CSMD3: variants seen among roughly 807,000 people sequenced by gnomAD.
CSMD3 encodes CUB and sushi domain-containing protein 3.
Under a neutral mutation model 435.2 loss-of-function variants are expected in CSMD3, and 177 were observed. The ratio of observed to expected loss-of-function variants is 0.41; its 90% confidence interval spans 0.36 to 0.46. The LOEUF (loss-of-function observed/expected upper bound fraction) is 0.46. Ranked by LOEUF, CSMD3 falls within the 20% of genes least tolerant of loss-of-function variation. CSMD3 has a pLI of 0.34. For missense variants in CSMD3, 4,265 were observed against 4,504.6 expected (o/e 0.95, Z 1.52); for synonymous variants, 1,656 against 1,520.5 (o/e 1.09, Z -2.07).
intron 32 of CSMD3, among the ~76,000 whole-genome samples, chr8:112,461,991 G>A (rs1337132498): frequency 6.6e-6 from 1 of 152,052 alleles, no homozygotes; most frequent in East Asian, 1.9e-4. Context: ...AAGTCCCTTG[G>A]GGACAAAAGT....
At chr8:112,658,932 G>A (rs1412130255) in intron 17 of CSMD3, among the ~76,000 whole-genome samples, 1 of 152,080 alleles carries the variant, frequency 6.6e-6, no homozygotes, top group Admixed American at 6.6e-5. Context: ...TCCAGCCTGG[G>A]TGACAGAGTG....
At position 112,480,568 on chromosome 8, in the gene CSMD3, T is replaced by C. The variant is rs1379615051; in HGVS notation, c.5279-7861A>G. ...CCTCATGAATGGCTTGGTGCTATCC[T>C]TGCGATAGTGAGTGAGTTCTCCCAA... On this transcript the variant is annotated intron_variant, in intron 31 of 70. Transcript: ENST00000297405. Among the ~76,000 whole-genome samples the C allele has an allele frequency of 2.0e-5, 3 of 152,122 alleles. No homozygotes were observed. In the East Asian group the frequency reaches 5.8e-4, roughly 29 times the overall value.
intron 31 of CSMD3, among the ~76,000 whole-genome samples, chr8:112,477,343 T>C (rs1819156038): frequency 1.3e-5 from 2 of 152,214 alleles, no homozygotes; most frequent in Admixed American, 6.5e-5. Context: ...GACTGCTATA[T>C]GGATTCTGGG....
chr8:113,060,083 G>A (rs1256419428), intron 5 of CSMD3, among the ~76,000 whole-genome samples: 2 of 140,772 alleles, frequency 1.4e-5, no homozygotes, highest in Admixed American at 1.5e-4. Context: ...ATGCTGGTGC[G>A]CTGCACCCAC....
rs752212214 is a variant in CSMD3, at chr8:112,690,035, C to T, written c.1988G>A (p.Ser663Asn). 2 of 1,613,116 alleles carry T rather than the reference C, an allele frequency of 1.2e-6. No homozygotes were observed. Among genetic ancestry groups the T allele is most frequent in the Non-Finnish European group, 1.7e-6 (2 of 1,179,304 alleles). Residue 663 changes from serine to asparagine, a missense_variant, in exon 14 of 71, where the codon AGT becomes AAT. Ser to Asn is a conservative substitution (Grantham distance 46). Around this residue, in one of 3 missense-constraint regions of CSMD3, gnomAD observed 279 missense variants for 369.0 expected, o/e 0.76. Transcript: ENST00000297405. ...TAAGGGTGTACCAGGATCACCACAA[C>T]TTTCTTTCTCAATTTCTGGAAAAAT... The part of the protein sequence containing the change: ...KVNYKEIEKE[S>N]CGDPGTPLYG...
At chr8:112,765,833 G>A (rs534680167) in intron 13 of CSMD3, among the ~76,000 whole-genome samples, 8 of 151,790 alleles carry the variant, frequency 5.3e-5, no homozygotes, top group South Asian at 2.1e-4. Flanking sequence ...TCAGATGCTC[G>A]TTGAACATCA....
intron 32 of CSMD3, among the ~76,000 whole-genome samples, chr8:112,470,432 T>C (rs1818407408): frequency 6.6e-6 from 1 of 152,144 alleles, no homozygotes; most frequent in Admixed American, 6.6e-5. Flanking sequence ...CATCAAATTA[T>C]TATAAAATAA....
intron 13 of CSMD3, among the ~76,000 whole-genome samples, chr8:112,734,129 G>C (rs2077133969): frequency 6.6e-6 from 1 of 151,832 alleles, no homozygotes; most frequent in South Asian, 2.1e-4. Flanking sequence ...TTAAACAAAA[G>C]AAGTTGGCCA....
chr8:112,736,197 T>C (rs889354050), intron 13 of CSMD3, among the ~76,000 whole-genome samples: 3 of 152,026 alleles, frequency 2.0e-5, no homozygotes, highest in African/African-American at 7.2e-5. Context: ...TGATGGACTT[T>C]CATTAGGCCC....
chr8:112,725,467 A>G (rs1298316515), intron 13 of CSMD3, among the ~76,000 whole-genome samples: 1 of 151,968 alleles, frequency 6.6e-6, no homozygotes, highest in Non-Finnish European at 1.5e-5. Context: ...GGGAAATGTG[A>G]ATGTTAATTA....
At chr8:112,779,270 A>G (rs930379608) in intron 13 of CSMD3, among the ~76,000 whole-genome samples, 2 of 151,786 alleles carry the variant, frequency 1.3e-5, no homozygotes, top group Non-Finnish European at 2.9e-5. Flanking sequence ...CTTTGTGGCA[A>G]ACTATATTAT....
chr8:113,222,253 T>G (rs948812832), intron 3 of CSMD3, among the ~76,000 whole-genome samples: 1 of 151,188 alleles, frequency 6.6e-6, no homozygotes, highest in Admixed American at 6.6e-5. Context: ...TAACCAAAAA[T>G]TTTCATTGGA....
chr8:112,478,244 G>A (rs1455051051), intron 31 of CSMD3, among the ~76,000 whole-genome samples: 3 of 152,138 alleles, frequency 2.0e-5, no homozygotes, highest in Admixed American at 6.5e-5. Flanking sequence ...GGAGTGGGGT[G>A]TTACTATAAG....
intron 23 of CSMD3, among the ~76,000 whole-genome samples, chr8:112,574,155 G>A (rs1829755910): frequency 6.6e-6 from 1 of 151,814 alleles, no homozygotes. Flanking sequence ...ATTAAAGGAG[G>A]TCTAAATGCT....
At chr8:113,396,503 A>G (rs1284070125) in intron 1 of CSMD3, among the ~76,000 whole-genome samples, 1 of 152,190 alleles carries the variant, frequency 6.6e-6, no homozygotes, top group Non-Finnish European at 1.5e-5. Flanking sequence ...ATGTTAACTT[A>G]CATTCCATTT....
At chr8:113,207,210 G>T (rs556505461) in intron 3 of CSMD3, among the ~76,000 whole-genome samples, 28 of 151,846 alleles carry the variant, frequency 1.8e-4, no homozygotes, top group African/African-American at 6.5e-4. Flanking sequence ...TTTCCTCCTT[G>T]GAATGAACAT....
chr8:113,265,099 T>C (rs992253843), intron 3 of CSMD3, among the ~76,000 whole-genome samples: 20 of 151,640 alleles, frequency 1.3e-4, no homozygotes, highest in African/African-American at 4.8e-4. Context: ...GTGTCATATC[T>C]GTCAAGTGCT....
At chr8:112,725,747 G>A (rs1297744160) in intron 13 of CSMD3, among the ~76,000 whole-genome samples, 2 of 151,342 alleles carry the variant, frequency 1.3e-5, no homozygotes, top group East Asian at 1.9e-4. Flanking sequence ...CCAATTAACT[G>A]TGACTCAAAC....
At chr8:113,257,119 A>AC (rs2093387609) in intron 3 of CSMD3, among the ~76,000 whole-genome samples, 1 of 152,112 alleles carries the variant, frequency 6.6e-6, no homozygotes, top group South Asian at 2.1e-4. Flanking sequence ...ATAAATAAAA[A>AC]CAAAACGGGC....
Sources: allele counts gnomAD v4.1 joint callset (sites outside exome capture counted in the v4.1 genomes callset), GRCh38; gene constraint gnomAD v4.1.1; regional missense constraint gnomAD v4.1.1; transcripts MANE v1.5; gene names NCBI Gene and HGNC (gene_info 2026-07-23, HGNC 2026-07-21).